Variants in CNTNAP2 observed in about 807,000 individuals in gnomAD.
CNTNAP2 encodes the protein contactin associated protein 2, also known as contactin-associated protein-like 2.
Under a neutral mutation model 155.2 loss-of-function variants are expected in CNTNAP2, and 98 were observed. That is an observed-to-expected ratio of 0.63 (90% confidence interval 0.54 to 0.75). The LOEUF (loss-of-function observed/expected upper bound fraction) is 0.75. CNTNAP2 is among the 30% of genes least tolerant of loss of function. CNTNAP2 has a pLI of 0.00. For synonymous variants in CNTNAP2, 651 were observed against 631.2 expected, an observed-to-expected ratio of 1.03 and a Z score of -0.47; for missense variants, 1,727 against 1,688.1, an observed-to-expected ratio of 1.02 and a Z score of -0.40.
At chr7:146,863,013 C>T (rs1484122286) in intron 3 of CNTNAP2, among the ~76,000 whole-genome samples, 1 of 152,104 alleles carries the variant, frequency 6.6e-6, no homozygotes, top group Non-Finnish European at 1.5e-5. Context: ...CTTACAGTGA[C>T]CTCAGATACA....
intron 9 of CNTNAP2, among the ~76,000 whole-genome samples, chr7:147,334,903 A>G (rs1353434236): frequency 6.6e-6 from 1 of 152,184 alleles, no homozygotes; most frequent in African/African-American, 2.4e-5. Context: ...GTCTTATTTA[A>G]TAAAAGAATG....
intron 1 of CNTNAP2, among the ~76,000 whole-genome samples, chr7:146,206,761 T>C (rs1294897944): frequency 6.6e-6 from 1 of 151,974 alleles, no homozygotes; most frequent in African/African-American, 2.4e-5. Context: ...TTCTTTAATG[T>C]CAGACCTCAA....
intron 1 of CNTNAP2, among the ~76,000 whole-genome samples, chr7:146,696,219 A>C (rs1800780417): frequency 1.3e-5 from 2 of 152,148 alleles, no homozygotes; most frequent in African/African-American, 4.8e-5. Flanking sequence ...TATTAAACCT[A>C]TTCAGGTTAT....
At chr7:147,516,332 CTT>C (rs1376543434) in intron 11 of CNTNAP2, among the ~76,000 whole-genome samples, 2 of 152,052 alleles carry the variant, frequency 1.3e-5, no homozygotes, top group Non-Finnish European at 2.9e-5. Flanking sequence ...ATTAGCTTCT[CTT>C]AATTTTTTCA....
chr7:148,277,232 C>T (rs1424494862), intron 21 of CNTNAP2, among the ~76,000 whole-genome samples: 1 of 152,132 alleles, frequency 6.6e-6, no homozygotes, highest in Non-Finnish European at 1.5e-5. Context: ...GCCTCCAGCC[C>T]AGTGTCCTGT....
intron 21 of CNTNAP2, among the ~76,000 whole-genome samples, chr7:148,280,508 G>A (rs1041268399): frequency 6.6e-6 from 1 of 152,180 alleles, no homozygotes; most frequent in Non-Finnish European, 1.5e-5. Flanking sequence ...CTGTACTCCT[G>A]ATTTGCAAAA....
intron 1 of CNTNAP2, among the ~76,000 whole-genome samples, chr7:146,567,704 A>C (rs1798378344): frequency 6.6e-6 from 1 of 152,252 alleles, no homozygotes; most frequent in African/African-American, 2.4e-5. Flanking sequence ...AGCTTAATTC[A>C]AACAGATATA....
Position 148,324,568 on chromosome 7 carries a change from C to T in CNTNAP2, c.3475+57442C>T, listed in dbSNP as rs943867803. Among the ~76,000 whole-genome samples the T allele has an allele frequency of 5.9e-5, 9 of 152,134 alleles. No homozygotes were observed. In the East Asian group the frequency reaches 1.5e-3, roughly 26 times the overall value. ...ATCTCAACACTTTAGGAGGCCAAGG[C>T]GGTTGGGTCATTTGAGGTCAGGAGT... On this transcript the variant is annotated intron_variant, in intron 21 of 23. Coordinates refer to ENST00000361727, the MANE Select transcript of CNTNAP2 (RefSeq NM_014141.6).
intron 3 of CNTNAP2, among the ~76,000 whole-genome samples, chr7:146,937,567 T>C (rs1380491731): frequency 6.6e-6 from 1 of 151,988 alleles, no homozygotes; most frequent in Non-Finnish European, 1.5e-5. Context: ...TGCCTGAAAT[T>C]ATGTGGTTTA....
At chr7:147,071,966 T>C (rs7777538) in intron 4 of CNTNAP2, among the ~76,000 whole-genome samples, 7,642 of 152,184 alleles carry the variant, frequency 0.05, 477 homozygotes, top group African/African-American at 0.15. Context: ...AGTCTCTGCC[T>C]TTGTGGGGAG....
chr7:148,043,788 A>G (rs951263113), intron 15 of CNTNAP2, among the ~76,000 whole-genome samples: 2 of 152,228 alleles, frequency 1.3e-5, no homozygotes, highest in Admixed American at 6.5e-5. Flanking sequence ...CCTTACTTGA[A>G]GTATCTTATA....
chr7:146,880,039 C>T (rs756922606), intron 3 of CNTNAP2, among the ~76,000 whole-genome samples: 1 of 151,926 alleles, frequency 6.6e-6, no homozygotes, highest in South Asian at 2.1e-4. Flanking sequence ...ATGTGGGATA[C>T]CACTCCCATG....
intron 14 of CNTNAP2, among the ~76,000 whole-genome samples, chr7:147,969,025 G>A (rs1443938626): frequency 6.6e-5 from 10 of 152,214 alleles, no homozygotes; most frequent in African/African-American, 2.4e-4. Flanking sequence ...GTTAAAACAG[G>A]GGGATCTCTT....
chr7:147,964,781 G>A (rs1307713379), intron 14 of CNTNAP2, among the ~76,000 whole-genome samples: 5 of 152,066 alleles, frequency 3.3e-5, no homozygotes, highest in African/African-American at 9.7e-5. Context: ...ATCATAAATG[G>A]TTCACCCTCT....
intron 1 of CNTNAP2, among the ~76,000 whole-genome samples, chr7:146,686,325 A>G (rs148069337): frequency 2.4e-4 from 36 of 152,238 alleles, no homozygotes; most frequent in African/African-American, 8.7e-4. Flanking sequence ...CAATTTTTGA[A>G]GTCAGAATAG....
At chr7:146,725,799 C>T (rs1181081794) in intron 1 of CNTNAP2, among the ~76,000 whole-genome samples, 3 of 152,096 alleles carry the variant, frequency 2.0e-5, no homozygotes, top group Admixed American at 1.3e-4. Flanking sequence ...GATTGCACCC[C>T]CAACCAATTA....
intron 8 of CNTNAP2, among the ~76,000 whole-genome samples, chr7:147,204,286 AAAGT>A (rs1162920307): frequency 1.3e-5 from 2 of 152,098 alleles, no homozygotes; most frequent in Non-Finnish European, 2.9e-5. Context: ...ATAGAGTCCA[AAAGT>A]ATGTATAAAA....
chr7:147,797,585 A>T (rs1277762191), intron 13 of CNTNAP2, among the ~76,000 whole-genome samples: 2 of 152,116 alleles, frequency 1.3e-5, no homozygotes, highest in African/African-American at 4.8e-5. Flanking sequence ...TTTTAGAAAC[A>T]CAAAGTAAAA....
At chr7:147,995,214 G>A (rs962174667) in intron 15 of CNTNAP2, among the ~76,000 whole-genome samples, 20 of 152,300 alleles carry the variant, frequency 1.3e-4, no homozygotes, top group African/African-American at 4.6e-4. Context: ...AAGAAAGGCA[G>A]TTGTTTAGCA....
Sources: allele counts gnomAD v4.1 joint callset (sites outside exome capture counted in the v4.1 genomes callset), GRCh38; gene constraint gnomAD v4.1.1; transcripts MANE v1.5; gene names NCBI Gene and HGNC (gene_info 2026-07-23, HGNC 2026-07-21).